The following TUBGCP4 variants were observed in gnomAD, a reference collection of about 807,000 sequenced individuals.
TUBGCP4 encodes tubulin gamma complex component 4.
Under a neutral mutation model 91.6 loss-of-function variants are expected in TUBGCP4, and 54 were observed. The observed-to-expected ratio is 0.59, with a 90% CI of 0.47 to 0.74. The LOEUF is 0.74. Ranked by LOEUF, TUBGCP4 falls within the 30% of genes least tolerant of loss-of-function variation. The pLI, the probability that TUBGCP4 is intolerant of heterozygous loss-of-function variation, is 0.00. For missense variants in TUBGCP4, 593 were observed against 800.9 expected (o/e 0.74, Z 3.13); for synonymous variants, 297 against 302.8 (o/e 0.98, Z 0.20).
At chr15:43,397,950 G>A in intron 12 of TUBGCP4, 91 bp from the exon 13 acceptor site, 1 of 1,352,372 alleles carries the variant, frequency 7.4e-7, no homozygotes, top group Non-Finnish European at 1.0e-6. Flanking sequence ...GTGAGCTCTA[G>A]TTTCATTAAT....
In TUBGCP4 at chr15:43,406,924, T is replaced by G. The variant is rs2044914277; in HGVS notation, c.*1710T>G. ...TCAGAGAGAGAGCATGAGGTCTTTT[T>G]TAACTGTCAGGAAACAGAGCTGTGC... is the stretch of plus-strand genomic sequence containing the variant. On this transcript the variant is annotated 3_prime_UTR_variant, in exon 18 of 18. Transcript: ENST00000564079. The G allele has an allele frequency of 4.1e-6, 1 of 242,926 alleles. No individual in the cohort carries two copies. 15.0% of individuals were successfully genotyped at this position (242,926 alleles called of 1,614,324 possible).
chr15:43,403,281 A>T (rs1026410984), intron 15 of TUBGCP4: 1 of 161,116 alleles, frequency 6.2e-6, no homozygotes, highest in South Asian at 1.8e-4. Context: ...ACGAGGGTTC[A>T]CTAAAGGCTA....
chr15:43,401,459 A>C (rs1010809484), intron 14 of TUBGCP4, among the ~76,000 whole-genome samples: 4 of 151,808 alleles, frequency 2.6e-5, no homozygotes, highest in Non-Finnish European at 4.4e-5. Context: ...CTCAAAAAAA[A>C]AAAAAGGAAA....
intron 12 of TUBGCP4, among the ~76,000 whole-genome samples, 164 bp from the exon 13 acceptor site, chr15:43,397,877 A>G (rs2044607889): frequency 6.6e-6 from 1 of 152,056 alleles, no homozygotes; most frequent in Admixed American, 6.6e-5. Context: ...ATGCCCAGCT[A>G]ATTTATGTAT....
At position 43,383,202 on chromosome 15, in the gene TUBGCP4, T is replaced by A. The variant is rs2044309362; in HGVS notation, c.522-101T>A. On this transcript the variant is annotated intron_variant, in intron 6 of 17. Coordinates refer to ENST00000564079, the MANE Select transcript of TUBGCP4 (RefSeq NM_014444.5). ...AATAGCACAATTATTTTTAACTTAA[T>A]TGGTTATTTCTGTTATGACTCATCA... The A allele has an allele frequency of 3.3e-5, 30 of 908,428 alleles. 1 individual carries two copies. In the South Asian group the frequency reaches 7.6e-4, roughly 23 times the overall value. The allele number at this position is 908,428 out of a possible 1,614,324, so 56.3% of individuals were successfully genotyped here.
At chr15:43,375,127 T>C (rs2044186778) in intron 1 of TUBGCP4, among the ~76,000 whole-genome samples, 1 of 152,246 alleles carries the variant, frequency 6.6e-6, no homozygotes, top group Non-Finnish European at 1.5e-5. Context: ...GGTCTTGAAC[T>C]CCTGACCTCA....
intron 5 of TUBGCP4, 91 bp downstream of exon 5, chr15:43,377,994 GT>G: frequency 1.1e-6 from 1 of 905,608 alleles, no homozygotes; most frequent in Non-Finnish European, 1.7e-6. Context: ...GAAGACCCTA[GT>G]TTTTAGTAGT....
At chr15:43,396,455 CTG>C (rs1203759308) in intron 11 of TUBGCP4, among the ~76,000 whole-genome samples, 4 of 152,292 alleles carry the variant, frequency 2.6e-5, no homozygotes, top group Non-Finnish European at 5.9e-5. Flanking sequence ...AAAAAAGAAA[CTG>C]TGAGAAAGAA....
At chr15:43,404,329 A>G in intron 16 of TUBGCP4, 84 bp from the exon 17 acceptor site, 1 of 1,540,280 alleles carries the variant, frequency 6.5e-7, no homozygotes, top group South Asian at 1.2e-5. Context: ...GGCTTTTCCA[A>G]GAAACTCCTC....
chr15:43,397,188 G>A, intron 11 of TUBGCP4, 26 bp from the exon 12 acceptor site: 1 of 1,585,964 alleles, frequency 6.3e-7, no homozygotes, highest in Non-Finnish European at 8.7e-7. Context: ...AAGCGTCCCT[G>A]TCAGCCTGCG....
chr15:43,392,530 G>A (rs185952007), intron 9 of TUBGCP4, among the ~76,000 whole-genome samples: 1 of 152,142 alleles, frequency 6.6e-6, no homozygotes, highest in Admixed American at 6.5e-5. Context: ...ACGGAGTTTT[G>A]CTCTGTCACC....
chr15:43,408,853 T>C lies in TUBGCP4; in HGVS notation c.*3639T>C, dbSNP rs2045017146. ...AGATTCTCTTCCCTCCAAAGCTTGCTGTCCTCCTGCCTATACAATTCTGGA... is the reference window on the plus strand; with the variant it reads ...AGATTCTCTTCCCTCCAAAGCTTGCCGTCCTCCTGCCTATACAATTCTGGA... On this transcript the variant is annotated 3_prime_UTR_variant, in exon 18 of 18. Coordinates refer to ENST00000564079, the MANE Select transcript of TUBGCP4 (RefSeq NM_014444.5). 1 of 1,587,786 alleles carries C rather than the reference T, an allele frequency of 6.3e-7. No individual in the cohort carries two copies. The highest frequency in any genetic ancestry group is 1.3e-5 in the African/African-American group (1 of 74,414).
intron 7 of TUBGCP4, among the ~76,000 whole-genome samples, chr15:43,385,217 G>A (rs959224253): frequency 1.3e-5 from 2 of 152,332 alleles, no homozygotes; most frequent in East Asian, 3.9e-4. Flanking sequence ...TCAGCATGGG[G>A]CTTGGAGGTT....
At chr15:43,384,406 G>A (rs34178146) in intron 7 of TUBGCP4, among the ~76,000 whole-genome samples, 26,175 of 152,102 alleles carry the variant, frequency 0.17, 2,436 homozygotes, top group Middle Eastern at 0.27. Flanking sequence ...GTCTTGGAGT[G>A]ACTAGGGAAG....
At chr15:43,378,725 C>G (rs1489636462) in intron 5 of TUBGCP4, among the ~76,000 whole-genome samples, 2 of 152,212 alleles carry the variant, frequency 1.3e-5, no homozygotes, top group Non-Finnish European at 2.9e-5. Context: ...TTGTCCTCAT[C>G]AAATAACAAC....
intron 7 of TUBGCP4, among the ~76,000 whole-genome samples, chr15:43,383,872 C>A (rs1345560559): frequency 6.6e-6 from 1 of 152,030 alleles, no homozygotes; most frequent in African/African-American, 2.4e-5. Flanking sequence ...GCAATCTTGG[C>A]TCACTGCAGC....
chr15:43,397,983 G>A, intron 12 of TUBGCP4, 58 bp from the exon 13 acceptor site: 1 of 1,541,020 alleles, frequency 6.5e-7, no homozygotes, highest in Non-Finnish European at 8.8e-7. Context: ...TTGAGTCTCT[G>A]GTTCTAGATT....
intron 1 of TUBGCP4, among the ~76,000 whole-genome samples, chr15:43,374,859 A>G (rs2044180608): frequency 1.3e-5 from 2 of 152,262 alleles, no homozygotes; most frequent in Non-Finnish European, 2.9e-5. Context: ...GGCATGTGCT[A>G]CAACATGGAT....
At chr15:43,387,286 C>T (rs1188597673) in intron 9 of TUBGCP4, among the ~76,000 whole-genome samples, 2 of 152,000 alleles carry the variant, frequency 1.3e-5, no homozygotes, top group African/African-American at 2.4e-5. Context: ...CTGGTGCCAC[C>T]GACTTAAATT....
Sources: gnomAD v4.1 joint callset for allele counts (sites outside exome capture counted in the v4.1 genomes callset) on GRCh38, gnomAD v4.1.1 for gene constraint, MANE v1.5 for transcripts, NCBI Gene and HGNC (gene_info 2026-07-23, HGNC 2026-07-21) for gene names.